BTBD8: variants seen among roughly 807,000 people sequenced by gnomAD.
BTBD8 encodes BTB domain containing 8, also known as BTB/POZ domain-containing protein 8.
Under a neutral mutation model 162.9 loss-of-function variants are expected in BTBD8, and 110 were observed. The observed-to-expected ratio is 0.68, with a 90% confidence interval of 0.58 to 0.79. BTBD8 has a LOEUF of 0.79. BTBD8 is among the 30% of genes least tolerant of loss of function. The pLI, the probability that BTBD8 is intolerant of heterozygous loss-of-function variation, is 0.00. For synonymous variants in BTBD8, 667 were observed against 716.1 expected, an observed-to-expected ratio of 0.93 and a Z score of 1.10; for missense variants, 1,905 against 2,085.4, an observed-to-expected ratio of 0.91 and a Z score of 1.68.
At chr1:92,082,550 G>A (rs929145373) in intron 1 of BTBD8, among the ~76,000 whole-genome samples, 2 of 152,162 alleles carry the variant, frequency 1.3e-5, no homozygotes, top group Admixed American at 1.3e-4. Flanking sequence ...AGATTGGGAA[G>A]GGAGAGGTAG....
rs6656553 is a variant in BTBD8, at chr1:92,172,528, A to T, written c.1635+1068A>T. 1.9e-3 allele frequency among the ~76,000 whole-genome samples: 297 copies of T among 152,324 alleles called. 1 individual carries two copies. Among genetic ancestry groups the T allele is most frequent in the African/African-American group, 6.9e-3 (286 of 41,572 alleles). On this transcript the variant is annotated intron_variant, in intron 13 of 17. Transcript: ENST00000636805. ...AATTTGTCTTCCCAAAAATGTTATT[A>T]ATTATGGTTAGGGTTCCTAGCTGAC... is the stretch of plus-strand genomic sequence containing the variant.
At chr1:92,119,897 T>C (rs1156916304) in intron 4 of BTBD8, among the ~76,000 whole-genome samples, 16 of 119,662 alleles carry the variant, frequency 1.3e-4, no homozygotes, top group African/African-American at 6.3e-4. Flanking sequence ...CCTTTTCTTT[T>C]TTTTTTTTTT....
At position 92,178,324 on chromosome 1, in the gene BTBD8, A is replaced by G. The variant is rs1650781771; in HGVS notation, c.2454A>G (p.Lys818=). ...DTNVNNSVLK[K]VSGKGCSEPV... is the part of the protein sequence containing the mutation. ...TAATTTTTTTTAGTGTACTAAAGAA[A>G]GTCAGTGGCAAAGGATGTAGTGAGC... The change falls in exon 16 of 18, where the codon AAA becomes AAG. Residue 818 remains lysine (K), a synonymous_variant. Transcript: ENST00000636805. The G allele has an allele frequency of 1.3e-6, 2 of 1,550,286 alleles. No homozygotes were observed. Among genetic ancestry groups the G allele is most frequent in the Non-Finnish European group, 1.7e-6 (2 of 1,146,526 alleles).
chr1:92,118,175 T>C (rs1356316552), intron 4 of BTBD8, among the ~76,000 whole-genome samples: 2 of 151,950 alleles, frequency 1.3e-5, no homozygotes, highest in Non-Finnish European at 2.9e-5. Context: ...TCCTTGGTTT[T>C]TACCTAGTGT....
intron 7 of BTBD8, among the ~76,000 whole-genome samples, chr1:92,142,376 G>A (rs78801089): frequency 6.6e-6 from 1 of 152,144 alleles, no homozygotes; most frequent in African/African-American, 2.4e-5. Flanking sequence ...TCCCCTAGAT[G>A]AACATTAACT....
chr1:92,182,714 A>T (rs1650951661), intron 17 of BTBD8, 119 bp downstream of exon 17: 1 of 550,816 alleles, frequency 1.8e-6, no homozygotes, highest in Non-Finnish European at 2.9e-6. Flanking sequence ...TAAGCAACAG[A>T]TTAAAATTTT....
Position 92,158,716 on chromosome 1 carries a change from T to C in BTBD8, c.1123-8242T>C, listed in dbSNP as rs140779330. On this transcript the variant is annotated intron_variant, in intron 9 of 17. Transcript: ENST00000636805. ...GTGCATTGTGTGAGATCAGGGGGCT[T>C]ATGGGAAATCTCTATACTTTCCTCT... 2.1e-3 allele frequency among the ~76,000 whole-genome samples: 318 copies of C among 152,276 alleles called. 4 individuals are homozygous for C. Among genetic ancestry groups the C allele is most frequent in the African/African-American group, 6.7e-3 (280 of 41,554 alleles).
chr1:92,084,963 C>T (rs1048888932), intron 1 of BTBD8, among the ~76,000 whole-genome samples: 7 of 152,188 alleles, frequency 4.6e-5, no homozygotes, highest in African/African-American at 7.2e-5. Context: ...ACTTACTTAC[C>T]TTGCCTTAGT....
intron 1 of BTBD8, among the ~76,000 whole-genome samples, chr1:92,081,588 T>G (rs1648014086): frequency 6.6e-6 from 1 of 152,200 alleles, no homozygotes; most frequent in Non-Finnish European, 1.5e-5. Flanking sequence ...CTTTTTTTTT[T>G]TTGGAGACGG....
intron 3 of BTBD8, among the ~76,000 whole-genome samples, chr1:92,104,370 A>G (rs1244287809): frequency 6.6e-6 from 1 of 152,190 alleles, no homozygotes; most frequent in Non-Finnish European, 1.5e-5. Context: ...TAGATCATTC[A>G]TATGCTTTAT....
chr1:92,166,706 T>C (rs1650395690), intron 9 of BTBD8, among the ~76,000 whole-genome samples: 1 of 152,140 alleles, frequency 6.6e-6, no homozygotes, highest in African/African-American at 2.4e-5. Flanking sequence ...ATTATAGGAA[T>C]GAGCCACTGT....
intron 9 of BTBD8, among the ~76,000 whole-genome samples, chr1:92,149,023 TAAG>T (rs1008991599): frequency 2.8e-4 from 43 of 152,270 alleles, no homozygotes; most frequent in Middle Eastern, 3.4e-3. Context: ...CCCTTCCAGA[TAAG>T]AAACTATGAA....
chr1:92,119,523 C>T (rs935926299), intron 4 of BTBD8, among the ~76,000 whole-genome samples: 6 of 152,078 alleles, frequency 3.9e-5, no homozygotes, highest in African/African-American at 1.4e-4. Context: ...TGGGCTCAAA[C>T]AGTCCTCCTG....
intron 2 of BTBD8, among the ~76,000 whole-genome samples, 153 bp downstream of exon 2, chr1:92,089,048 C>T (rs77950365): frequency 0.025 from 3,863 of 152,092 alleles, 184 homozygotes; most frequent in African/African-American, 0.088. Context: ...TTAGTGTTGA[C>T]AGAGGCTAAG....
chr1:92,147,572 G>C, intron 8 of BTBD8, 112 bp from the exon 9 acceptor site: 2 of 747,366 alleles, frequency 2.7e-6, no homozygotes, highest in Non-Finnish European at 4.3e-6. Context: ...AAAATTAATA[G>C]TATTAGTCAG....
At chr1:92,148,554 C>T (rs982479353) in intron 9 of BTBD8, among the ~76,000 whole-genome samples, 6 of 152,172 alleles carry the variant, frequency 3.9e-5, no homozygotes, top group Non-Finnish European at 5.9e-5. Context: ...GCAATACATG[C>T]TGTAAATCAG....
intron 3 of BTBD8, among the ~76,000 whole-genome samples, chr1:92,106,041 A>G (rs957171954): frequency 1.3e-5 from 2 of 152,214 alleles, no homozygotes; most frequent in Non-Finnish European, 2.9e-5. Flanking sequence ...TAGGAACTCA[A>G]AGTATGGAGG....
chr1:92,178,767 G>A (rs755255384), intron 16 of BTBD8, among the ~76,000 whole-genome samples: 13 of 152,196 alleles, frequency 8.5e-5, no homozygotes, highest in Non-Finnish European at 1.9e-4. Flanking sequence ...GGGATTACAG[G>A]CATGAGTCAA....
chr1:92,110,993 C>CA (rs1553122233), intron 4 of BTBD8, among the ~76,000 whole-genome samples: 3 of 143,138 alleles, frequency 2.1e-5, no homozygotes, highest in Non-Finnish European at 3.1e-5. Context: ...GCAGTCATTC[C>CA]TTTTTTTTTT....
Sources: allele counts gnomAD v4.1 joint callset (sites outside exome capture counted in the v4.1 genomes callset), GRCh38; gene constraint gnomAD v4.1.1; transcripts MANE v1.5; gene names NCBI Gene and HGNC (gene_info 2026-07-23, HGNC 2026-07-21).